The following MAP3K6 variants were observed in gnomAD, a reference collection of about 807,000 sequenced individuals.
MAP3K6 encodes the protein mitogen-activated protein kinase kinase kinase 6, also known as apoptosis signal-regulating kinase 2.
Under a neutral mutation model 147.1 loss-of-function variants are expected in MAP3K6, and 105 were observed. The ratio of observed to expected loss-of-function variants is 0.71; its 90% CI spans 0.61 to 0.84. The LOEUF (loss-of-function observed/expected upper bound fraction) is 0.84, where lower values mean the gene tolerates loss of function less well. MAP3K6 is among the 40% of genes least tolerant of loss of function. The pLI, the probability that MAP3K6 is intolerant of heterozygous loss-of-function variation, is 0.00. For synonymous variants in MAP3K6, 695 were observed against 732.4 expected (o/e 0.95, Z 0.82); for missense variants, 1,569 against 1,715.0 (o/e 0.91, Z 1.50).
Position 27,362,479 on chromosome 1 carries a change from G to A in MAP3K6, c.1255+162C>T, listed in dbSNP as rs568870487. On this transcript the variant is annotated intron_variant, in intron 8 of 28. Transcript: ENST00000357582. ...ATTTGTGGGTTTGAGGGCTCCTGAGGGCCCAGAACAGGTATGAGGACCCAG... is the reference window on the plus strand; with the variant it reads ...ATTTGTGGGTTTGAGGGCTCCTGAGAGCCCAGAACAGGTATGAGGACCCAG... Among the ~76,000 whole-genome samples the A allele has an allele frequency of 5.3e-5, 8 of 152,234 alleles. No homozygotes were observed. The South Asian group carries it at 1.4e-3, about 28-fold the overall frequency.
In MAP3K6 at chr1:27,361,369, T is replaced by G. The variant is rs138359388; in HGVS notation, c.1713A>C (p.Pro571=). The change falls in exon 12 of 29, where the codon CCA becomes CCC. Residue 571 remains proline, a synonymous_variant. Transcript: ENST00000357582. The stretch of plus-strand genomic sequence containing the variant: ...ACCTGACTCCGCATATGGAGGCGAC[T>G]GGGAAGGTCCAGCTGGAGGGAATGT... ...TQDIPSSWTF[P]VASICGVSAS... The G allele has an allele frequency of 6.2e-7, 1 of 1,613,954 alleles. No homozygotes were observed.
chr1:27,355,294 G>T lies in MAP3K6; in HGVS notation c.*97C>A. ...CCCACTCGCCTGGCTTCCTCCAGTC[G>T]CCCCAGGTCCTGGGGCTGGTGTGTC... is the stretch of plus-strand genomic sequence containing the variant. On this transcript the variant is annotated 3_prime_UTR_variant, in exon 29 of 29. Transcript: ENST00000357582. 3 of 1,180,692 alleles carry T rather than the reference G, an allele frequency of 2.5e-6. No individual in the cohort carries two copies. The highest frequency in any genetic ancestry group is 3.8e-6 in the Non-Finnish European group (3 of 785,324). 73.1% of individuals were successfully genotyped at this position (1,180,692 alleles called of 1,614,324 possible).
chr1:27,366,530 A>G lies in MAP3K6; in HGVS notation c.68T>C (p.Val23Ala). 3.6e-6 allele frequency: 4 copies of G among 1,100,530 alleles called. No individual in the cohort carries two copies. Among genetic ancestry groups the G allele is most frequent in the Non-Finnish European group, 4.4e-6 (4 of 905,476 alleles). 68.2% of individuals were successfully genotyped at this position (1,100,530 alleles called of 1,614,324 possible). A position where few individuals can be genotyped will look rare whatever the true frequency, so the allele number is the denominator to read the frequency against. ...AGSCWQDPLA[V>A]ALSRGRQLAA... ...GAGCTGCCGGCCCCGGCTCAGCGCC[A>G]CGGCCAGCGGGTCCTGCCAGCAGCT... Residue 23 changes from valine to alanine, a missense_variant, in exon 1 of 29, where the codon GTG becomes GCG. Transcript: ENST00000357582. The surrounding 1 kb of genome is among the most constrained non-coding windows in gnomAD (Gnocchi z 5.5).
rs775573751 is a variant in MAP3K6 at position 27,359,891 on chromosome 1, C to T, written c.2286G>A (p.Leu762=). Residue 762 remains leucine (L), a synonymous_variant, in exon 17 of 29, where the codon TTG becomes TTA. Transcript: ENST00000357582. This position sits in a 1 kb window ranked among gnomAD's most constrained non-coding sequence, Gnocchi z 4.4. The part of the protein sequence containing the change: ...TRQILQGLGY[L]HDNHIVHRDI... ...CCCTGTGCACGATGTGGTTGTCGTG[C>T]AAGTAGCCAAGTCCCTGCAGGATCT... 6.2e-7 allele frequency: 1 copy of T among 1,614,152 alleles called. No individual in the cohort carries two copies.
Position 27,362,717 on chromosome 1 carries a change from G to A in MAP3K6, c.1179C>T (p.His393=). Residue 393 remains histidine (H), a synonymous_variant, in exon 8 of 29, where the codon CAC becomes CAT. Coordinates refer to ENST00000357582, the MANE Select transcript of MAP3K6 (RefSeq NM_004672.5). The stretch of plus-strand genomic sequence containing the variant: ...GGAGCACAGCTGCATTGATGCCTGA[G>A]TGAAGGCTGGGCTCTACGTCAAAAG... ...RKAFDVEPSL[H]SGINAAVLLI... is the part of the protein sequence containing the mutation. The A allele has an allele frequency of 1.2e-6, 2 of 1,611,470 alleles. No individual in the cohort carries two copies. Among genetic ancestry groups the A allele is most frequent in the Non-Finnish European group, 1.7e-6 (2 of 1,178,748 alleles).
rs2015496582 is a variant in MAP3K6 at position 27,355,721 on chromosome 1, G to T, written c.3736C>A (p.His1246Asn). The stretch of plus-strand genomic sequence containing the variant: ...CGAGTGGCATAGGTGAGCAGAGTGT[G>T]GAGGGTGAAGCTATGGTTCAACAGC... ...QMLLNHSFTLHTLLTYATRDD... is the reference protein window; with the variant it reads ...QMLLNHSFTLNTLLTYATRDD... Residue 1246 changes from histidine (H) to asparagine (N), a missense_variant, in exon 28 of 29, where the codon CAC (histidine) becomes AAC (asparagine). Physicochemically the swap from His to Asn is moderately conservative, Grantham distance 68 (BLOSUM62 1). Transcript: ENST00000357582. The T allele has an allele frequency of 6.2e-7, 1 of 1,613,904 alleles. No individual in the cohort carries two copies. Among genetic ancestry groups the T allele is most frequent in the Non-Finnish European group, 8.5e-7 (1 of 1,180,022 alleles).
rs2016005739 is a variant in MAP3K6, at chr1:27,366,830, TCC to T, written c.-235_-234del. On this transcript the variant is annotated 5_prime_UTR_variant, in exon 1 of 29. An upstream open reading frame in the 5' UTR loses its in-frame stop. Transcript: ENST00000357582. This position sits in a 1 kb window ranked among gnomAD's most constrained non-coding sequence, Gnocchi z 5.5. ...TGAGGTTCTGAAATCCGGGATTGGG[TCC>T]CAGGAATCTGGGGCATCCGGTGATC... is the stretch of plus-strand genomic sequence containing the variant. The T allele has an allele frequency of 5.5e-6, 1 of 180,432 alleles. No homozygotes were observed. The highest frequency in any genetic ancestry group is 2.4e-5 in the African/African-American group (1 of 41,980). The allele number at this position is 180,432 out of a possible 1,614,324, so 11.2% of individuals were successfully genotyped here.
At position 27,362,908 on chromosome 1, in the gene MAP3K6, T is replaced by C. The variant is rs986868442; in HGVS notation, c.1085A>G (p.Asp362Gly). The C allele has an allele frequency of 7.4e-6, 12 of 1,613,930 alleles. No individual in the cohort carries two copies. Among genetic ancestry groups the C allele is most frequent in the Non-Finnish European group, 9.3e-6 (11 of 1,179,996 alleles). The change falls in exon 7 of 29, where the codon GAC (aspartate) becomes GGC (glycine). Residue 362 changes from aspartate (D) to glycine (G), a missense_variant. Asp to Gly is a moderately conservative substitution (Grantham distance 94). Coordinates refer to ENST00000357582, the MANE Select transcript of MAP3K6 (RefSeq NM_004672.5). Reference protein sequence around the residue: ...LYCMCGRIYKDMFFSSGFQDA... With the variant: ...LYCMCGRIYKGMFFSSGFQDA... ...CTGGAAACCCGAGCTGAAGAACATGTCCTTGTAGATACGGCCACACATGCA... is the reference window on the plus strand; with the variant it reads ...CTGGAAACCCGAGCTGAAGAACATGCCCTTGTAGATACGGCCACACATGCA...
In MAP3K6 at chr1:27,366,485, C is replaced by G. The variant is rs2015992561; in HGVS notation, c.113G>C (p.Gly38Ala). The G allele has an allele frequency of 8.7e-7, 1 of 1,146,830 alleles. No homozygotes were observed. 71.0% of individuals were successfully genotyped at this position (1,146,830 alleles called of 1,614,324 possible). Reference protein sequence around the residue: ...GRQLAAPPGRGCARSRPLSVV... With the variant: ...GRQLAAPPGRACARSRPLSVV... ...GCTGAGCGGCCGGCTCCGCGCGCAG[C>G]CCCGGCCCGGGGGCGCCGCGAGCTG... The change falls in exon 1 of 29, where the codon GGC becomes GCC. Residue 38 changes from glycine to alanine, a missense_variant. By Grantham distance (60) the Gly-to-Ala change is moderately conservative (BLOSUM62 0). Coordinates refer to ENST00000357582, the MANE Select transcript of MAP3K6 (RefSeq NM_004672.5). The surrounding 1 kb of genome is among the most constrained non-coding windows in gnomAD (Gnocchi z 5.5).
In MAP3K6 at chr1:27,359,375, C is replaced by T. The variant is rs1285320897; in HGVS notation, c.2425+42G>A. Reference sequence around the variant, plus strand: ...TGGAAAGTTCCAAGAGATCTTCTGCCCCAGGTCAGCATCCCCACTCACCAC... The same window carrying T: ...TGGAAAGTTCCAAGAGATCTTCTGCTCCAGGTCAGCATCCCCACTCACCAC... On this transcript the variant is annotated intron_variant, in intron 18 of 28. Coordinates refer to ENST00000357582, the MANE Select transcript of MAP3K6 (RefSeq NM_004672.5). This position sits in a 1 kb window ranked among gnomAD's most constrained non-coding sequence, Gnocchi z 4.4. 7 of 1,613,512 alleles carry T rather than the reference C, an allele frequency of 4.3e-6. No individual in the cohort carries two copies. In the African/African-American group the frequency reaches 8.0e-5, roughly 18 times the overall value.
In MAP3K6 at chr1:27,363,491, C is replaced by A; in HGVS notation, c.922G>T (p.Val308Leu). ...AAGCAGACATTATGCTGCTCGGCCACATCACAGGTGGGCAAGGCCTGCAGC... is the reference window on the plus strand; with the variant it reads ...AAGCAGACATTATGCTGCTCGGCCAAATCACAGGTGGGCAAGGCCTGCAGC... ...ETLQALPTCD[V>L]AEQHNVCFHY... is the part of the protein sequence containing the mutation. The change falls in exon 6 of 29, where the codon GTG becomes TTG. Residue 308 changes from valine (V) to leucine (L), a missense_variant. Transcript: ENST00000357582. 6.2e-7 allele frequency: 1 copy of A among 1,613,864 alleles called. No individual in the cohort carries two copies. The highest frequency in any genetic ancestry group is 8.5e-7 in the Non-Finnish European group (1 of 1,179,880).
At chr1:27,362,825 C>T in intron 7 of MAP3K6, 26 bp downstream of exon 7, 1 of 1,612,774 alleles carries the variant, frequency 6.2e-7, no homozygotes, top group African/African-American at 1.3e-5. Context: ...CAGCTTAGCC[C>T]ACCGGCCACT....
chr1:27,356,287 C>CTCAGGTGATGAGCCCAAG (rs1409873686), intron 26 of MAP3K6, 101 bp downstream of exon 26: 13 of 1,240,788 alleles, frequency 1.0e-5, no homozygotes, highest in Non-Finnish European at 1.1e-5. Flanking sequence ...CCAAGGCCCG[C>CTCAGGTGATGAGCCCAAG]TCAGGTGATG....
Position 27,366,573 on chromosome 1 carries a change from C to T in MAP3K6, c.25G>A (p.Gly9Arg), listed in dbSNP as rs1571081920. The T allele has an allele frequency of 1.8e-6, 2 of 1,083,098 alleles. No homozygotes were observed. Among genetic ancestry groups the T allele is most frequent in the East Asian group, 5.9e-5 (1 of 16,966 alleles). The allele number at this position is 1,083,098 out of a possible 1,614,324, so 67.1% of individuals were successfully genotyped here. A position where few individuals can be genotyped will look rare whatever the true frequency, so the allele number is the denominator to read the frequency against. Residue 9 changes from glycine to arginine, a missense_variant, in exon 1 of 29, where the codon GGG (glycine) becomes AGG (arginine). Transcript: ENST00000357582. The surrounding 1 kb of genome is among the most constrained non-coding windows in gnomAD (Gnocchi z 5.5). Reference protein sequence around the residue: MAGPCPRSGAERAGSCWQD... With the variant: MAGPCPRSRAERAGSCWQD... ...CAGCAGCTGCCGGCGCGCTCCGCCCCGGACCGGGGACACGGCCCCGCCATG... is the reference window on the plus strand; with the variant it reads ...CAGCAGCTGCCGGCGCGCTCCGCCCTGGACCGGGGACACGGCCCCGCCATG...
chr1:27,366,198 T>A lies in MAP3K6; in HGVS notation c.340+60A>T. The A allele has an allele frequency of 3.2e-6, 4 of 1,260,912 alleles. No individual in the cohort carries two copies. Among genetic ancestry groups the A allele is most frequent in the Non-Finnish European group, 4.0e-6 (4 of 1,002,032 alleles). 78.1% of individuals were successfully genotyped at this position (1,260,912 alleles called of 1,614,324 possible). A position where few individuals can be genotyped will look rare whatever the true frequency, so the allele number is the denominator to read the frequency against. On this transcript the variant is annotated intron_variant, in intron 1 of 28. Transcript: ENST00000357582. This position sits in a 1 kb window ranked among gnomAD's most constrained non-coding sequence, Gnocchi z 5.5. ...CTCCCTTGAGCCTTCGAGCCCGGCT[T>A]GGTCCCCTCCCAGGACCCTGAGTCC...
At chr1:27,355,967 G>A in intron 27 of MAP3K6, 59 bp downstream of exon 27, 1 of 1,499,970 alleles carries the variant, frequency 6.7e-7, no homozygotes, top group Non-Finnish European at 9.3e-7. Context: ...CAGGAAGATG[G>A]ACAGAGATGG....
chr1:27,362,207 C>G lies in MAP3K6; in HGVS notation c.1299G>C (p.Glu433Asp). The change falls in exon 9 of 29, where the codon GAG (glutamate) becomes GAC (aspartate). Residue 433 changes from glutamate to aspartate, a missense_variant. Transcript: ENST00000357582. ...GCLLARKGCV[E>D]KMQYYWDVGF... ...CCACATCCCAGTAATACTGCATCTT[C>G]TCCACGCAGCCTTTGCGGGCCAGCA... 8 of 1,613,432 alleles carry G rather than the reference C, an allele frequency of 5.0e-6. No homozygotes were observed. The highest frequency in any genetic ancestry group is 6.8e-6 in the Non-Finnish European group (8 of 1,179,924).
chr1:27,359,705 T>A lies in MAP3K6; in HGVS notation c.2319+153A>T. On this transcript the variant is annotated intron_variant, in intron 17 of 28. Transcript: ENST00000357582. This position sits in a 1 kb window ranked among gnomAD's most constrained non-coding sequence, Gnocchi z 4.4. ...ATTGGTTTGGCTTCAGAGCTGAACC[T>A]TTCCCCTCCTTCTCTAAGGAGCCTC... is the stretch of plus-strand genomic sequence containing the variant. 1 of 867,810 alleles carries A rather than the reference T, an allele frequency of 1.2e-6. No homozygotes were observed. Among genetic ancestry groups the A allele is most frequent in the Non-Finnish European group, 1.4e-6 (1 of 722,978 alleles). The allele number at this position is 867,810 out of a possible 1,614,324, so 53.8% of individuals were successfully genotyped here.
Position 27,358,233 on chromosome 1 carries a change from G to T in MAP3K6, c.2863C>A (p.Pro955Thr). Residue 955 changes from proline to threonine, a missense_variant, in exon 21 of 29, where the codon CCA becomes ACA. By Grantham distance (38) the Pro-to-Thr change is conservative. Coordinates refer to ENST00000357582, the MANE Select transcript of MAP3K6 (RefSeq NM_004672.5). The surrounding 1 kb of genome is among the most constrained non-coding windows in gnomAD (Gnocchi z 6.2). ...FPCPQAPSQH[P>T]PSPPKRCLSY... ...AGGCAGCGCTTCGGGGGGCTGGGTG[G>T]GTGCTGAGAGGGTGCCTGAGGGCAC... 6.3e-7 allele frequency: 1 copy of T among 1,597,564 alleles called. No homozygotes were observed. The highest frequency in any genetic ancestry group is 8.5e-7 in the Non-Finnish European group (1 of 1,175,670).
Sources: gnomAD v4.1 joint callset for allele counts (sites outside exome capture counted in the v4.1 genomes callset) on GRCh38, gnomAD v4.1.1 for gene constraint, Gnocchi (gnomAD v3.1) non-coding constraint, MANE v1.5 for transcripts, NCBI Gene and HGNC (gene_info 2026-07-23, HGNC 2026-07-21) for gene names.